Variants in MBD5 observed in about 807,000 individuals in gnomAD.
MBD5 encodes the protein methyl-CpG-binding domain protein 5.
Under a neutral mutation model 117.3 loss-of-function variants are expected in MBD5, and 13 were observed. That is an observed-to-expected ratio of 0.11 (90% CI 0.07 to 0.18). MBD5 has a LOEUF of 0.18. MBD5 is among the 10% of genes least tolerant of loss of function. The probability of loss-of-function intolerance (pLI) is 1.00; values close to 1 mark genes in which losing one functional copy is unlikely to be tolerated. For synonymous variants in MBD5, 727 were observed against 766.4 expected, an observed-to-expected ratio of 0.95 and a Z score of 0.85; for missense variants, 1,879 against 2,093.8, an observed-to-expected ratio of 0.90 and a Z score of 2.00.
chr2:148,152,559 A>C (rs1311096992), intron 1 of MBD5, among the ~76,000 whole-genome samples: 2 of 151,890 alleles, frequency 1.3e-5, no homozygotes, highest in African/African-American at 2.4e-5. Context: ...TCCCATTATT[A>C]ATGTGTGGGA....
chr2:148,381,476 G>A (rs916574870), intron 4 of MBD5, among the ~76,000 whole-genome samples: 39 of 152,154 alleles, frequency 2.6e-4, no homozygotes, highest in African/African-American at 7.2e-4. Context: ...CCAAATCTAC[G>A]TCTAATTGGT....
intron 3 of MBD5, among the ~76,000 whole-genome samples, chr2:148,336,799 A>T (rs953443890): frequency 6.6e-6 from 1 of 152,154 alleles, no homozygotes; most frequent in Non-Finnish European, 1.5e-5. Flanking sequence ...GCCTCTGTTG[A>T]GTAACTGCTT....
At chr2:148,477,387 G>A (rs1051882602) in intron 8 of MBD5, among the ~76,000 whole-genome samples, 1 of 151,944 alleles carries the variant, frequency 6.6e-6, no homozygotes, top group African/African-American at 2.4e-5. Flanking sequence ...TCCCTCCCTT[G>A]AATAGAACAA....
At chr2:148,458,995 A>G (rs1706972701) in intron 5 of MBD5, 124 bp downstream of exon 5, 2 of 799,554 alleles carry the variant, frequency 2.5e-6, no homozygotes, top group African/African-American at 1.7e-5. Flanking sequence ...TGCTAGAAAC[A>G]TATGAGAATT....
At chr2:148,089,570 T>G (rs183883674) in intron 1 of MBD5, among the ~76,000 whole-genome samples, 1 of 152,156 alleles carries the variant, frequency 6.6e-6, no homozygotes, top group East Asian at 1.9e-4. Flanking sequence ...ACATGGAAAT[T>G]AAAGAATCTG....
At position 148,514,218 on chromosome 2, in the gene MBD5, T is replaced by G. The variant is rs1559110918; in HGVS notation, c.*1277T>G. 6.6e-6 allele frequency: 1 copy of G among 152,156 alleles called. No individual in the cohort carries two copies. 9.4% of individuals were successfully genotyped at this position (152,156 alleles called of 1,614,324 possible). A position where few individuals can be genotyped will look rare whatever the true frequency, so the allele number is the denominator to read the frequency against. On this transcript the variant is annotated 3_prime_UTR_variant, in exon 14 of 14. Transcript: ENST00000642680. ...CAGGTTAAATCTATTAACCAAATTATTTATATTATATTAAGTAAGAAAAAA... is the reference window on the plus strand; with the variant it reads ...CAGGTTAAATCTATTAACCAAATTAGTTATATTATATTAAGTAAGAAAAAA...
At chr2:148,127,062 G>A (rs1489321296) in intron 1 of MBD5, among the ~76,000 whole-genome samples, 2 of 146,546 alleles carry the variant, frequency 1.4e-5, no homozygotes, top group Non-Finnish European at 3.0e-5. Context: ...TGCAAGCTCC[G>A]CCTCCCGGGT....
intron 3 of MBD5, among the ~76,000 whole-genome samples, chr2:148,258,767 A>G (rs1224229622): frequency 6.6e-6 from 1 of 152,204 alleles, no homozygotes; most frequent in Non-Finnish European, 1.5e-5. Context: ...CCAAAATCAA[A>G]TCTATCCATA....
At chr2:148,299,633 T>G (rs531841627) in intron 3 of MBD5, among the ~76,000 whole-genome samples, 2 of 152,314 alleles carry the variant, frequency 1.3e-5, no homozygotes, top group South Asian at 4.1e-4. Context: ...AAAGGCTCAG[T>G]TTTATTCCAT....
chr2:148,085,163 C>T (rs2105186911), intron 1 of MBD5, among the ~76,000 whole-genome samples: 1 of 152,202 alleles, frequency 6.6e-6, no homozygotes. Context: ...GGGAGTTTTG[C>T]TTGAGTGAGA....
chr2:148,330,497 A>G (rs976139018), intron 3 of MBD5: 2 of 152,234 alleles, frequency 1.3e-5, no homozygotes, highest in African/African-American at 4.8e-5. Flanking sequence ...GAAAATGGAT[A>G]CTCAGGCTAT....
chr2:148,179,123 G>A (rs1698457516), intron 2 of MBD5, among the ~76,000 whole-genome samples: 1 of 152,166 alleles, frequency 6.6e-6, no homozygotes, highest in Non-Finnish European at 1.5e-5. Context: ...GGGAGGCCGA[G>A]GCGGGCGGAT....
At chr2:148,301,407 A>G (rs1228511388) in intron 3 of MBD5, among the ~76,000 whole-genome samples, 1 of 152,188 alleles carries the variant, frequency 6.6e-6, no homozygotes, top group Non-Finnish European at 1.5e-5. Flanking sequence ...CAACAACCTT[A>G]ATTCTTACCT....
intron 1 of MBD5, among the ~76,000 whole-genome samples, chr2:148,147,737 G>A (rs1484261221): frequency 6.6e-6 from 1 of 152,050 alleles, no homozygotes; most frequent in Non-Finnish European, 1.5e-5. Context: ...CTAATGATTA[G>A]TGGGAGATTA....
intron 3 of MBD5, among the ~76,000 whole-genome samples, chr2:148,300,641 C>G (rs1205168045): frequency 6.6e-6 from 1 of 152,078 alleles, no homozygotes; most frequent in Non-Finnish European, 1.5e-5. Flanking sequence ...AGGGAGTACC[C>G]TACACTCTGA....
chr2:148,277,837 G>C (rs2106368471), intron 3 of MBD5, among the ~76,000 whole-genome samples: 1 of 152,258 alleles, frequency 6.6e-6, no homozygotes, highest in East Asian at 1.9e-4. Flanking sequence ...TTTAATAAAT[G>C]AATTGAAGAA....
At chr2:148,130,120 A>G (rs1452345159) in intron 1 of MBD5, among the ~76,000 whole-genome samples, 2 of 152,232 alleles carry the variant, frequency 1.3e-5, no homozygotes. Context: ...TTGAACATTT[A>G]GGAAAATAAT....
At chr2:148,209,812 T>C (rs1264694628) in intron 2 of MBD5, among the ~76,000 whole-genome samples, 2 of 152,096 alleles carry the variant, frequency 1.3e-5, no homozygotes, top group East Asian at 3.9e-4. Context: ...TACATACTTT[T>C]AAACAACCAT....
chr2:148,212,128 C>A (rs187877037), intron 2 of MBD5, among the ~76,000 whole-genome samples: 11 of 152,276 alleles, frequency 7.2e-5, no homozygotes, highest in African/African-American at 2.4e-4. Context: ...TTAAATTGTA[C>A]AATCCAGTGC....
Sources: allele counts gnomAD v4.1 joint callset (sites outside exome capture counted in the v4.1 genomes callset), GRCh38; gene constraint gnomAD v4.1.1; transcripts MANE v1.5; gene names NCBI Gene and HGNC (gene_info 2026-07-23, HGNC 2026-07-21).